ZMYND8: variants seen among roughly 807,000 people sequenced by gnomAD.
The protein encoded by ZMYND8 is MYND-type zinc finger-containing chromatin reader ZMYND8.
In ZMYND8, 37 loss-of-function variants were observed where a neutral mutation model predicts 140.8. That is an observed-to-expected ratio of 0.26 (90% confidence interval 0.20 to 0.35). The LOEUF is 0.35. ZMYND8 is among the 10% of genes least tolerant of loss of function. The probability of loss-of-function intolerance (pLI) is 1.00; values close to 1 mark genes in which losing one functional copy is unlikely to be tolerated. For missense variants in ZMYND8, 1,068 were observed against 1,570.0 expected, an observed-to-expected ratio of 0.68 and a Z score of 5.40; for synonymous variants, 592 against 597.1, an observed-to-expected ratio of 0.99 and a Z score of 0.12.
At position 47,318,956 on chromosome 20, in the gene ZMYND8, A is replaced by C. The variant is rs953050368; in HGVS notation, c.86-8752T>G. ...CGCCAAGAGGAGGCACTTACCTGCC[A>C]TTGAGAAAGTGCGGCTGCTCAGAGG... is the stretch of plus-strand genomic sequence containing the variant. On this transcript the variant is annotated intron_variant, in intron 2 of 22. Coordinates refer to ENST00000471951, the MANE Select transcript of ZMYND8 (RefSeq NM_001281775.3). 3 of 1,351,292 alleles carry C rather than the reference A, an allele frequency of 2.2e-6. No homozygotes were observed. The African/African-American group carries it at 4.4e-5, about 20-fold the overall frequency. 83.7% of individuals were successfully genotyped at this position (1,351,292 alleles called of 1,614,324 possible). A position where few individuals can be genotyped will look rare whatever the true frequency, so the allele number is the denominator to read the frequency against.
intron 2 of ZMYND8, among the ~76,000 whole-genome samples, chr20:47,324,187 G>A (rs1476012474): frequency 2.4e-5 from 3 of 127,480 alleles, no homozygotes; most frequent in African/African-American, 3.2e-5. Context: ...GGGCGCCAGA[G>A]CGAGACTCTG....
At chr20:47,344,320 TATG>T (rs2082164840) in intron 2 of ZMYND8, among the ~76,000 whole-genome samples, 1 of 152,164 alleles carries the variant, frequency 6.6e-6, no homozygotes, top group Non-Finnish European at 1.5e-5. Flanking sequence ...CTTGATGTGA[TATG>T]ATGAAAATGG....
At chr20:47,301,966 T>C (rs11906900) in intron 3 of ZMYND8, among the ~76,000 whole-genome samples, 53,804 of 151,114 alleles carry the variant, frequency 0.36, 10,608 homozygotes, top group African/African-American at 0.53. Flanking sequence ...GAGCTTTTCC[T>C]CCTCTTTGCT....
intron 11 of ZMYND8, among the ~76,000 whole-genome samples, chr20:47,274,115 T>C (rs970536353): frequency 1.3e-5 from 2 of 152,254 alleles, no homozygotes; most frequent in African/African-American, 2.4e-5. Context: ...TCTTTCTCCT[T>C]TTGTACCTCC....
intron 4 of ZMYND8, among the ~76,000 whole-genome samples, chr20:47,297,673 C>T (rs1020429859): frequency 6.6e-6 from 1 of 152,184 alleles, no homozygotes; most frequent in African/African-American, 2.4e-5. Flanking sequence ...AATTCTCCTG[C>T]CTCGGCCTCC....
chr20:47,224,367 G>C lies in ZMYND8; in HGVS notation c.3206C>G (p.Pro1069Arg). 1 of 1,614,248 alleles carries C rather than the reference G, an allele frequency of 6.2e-7. No homozygotes were observed. The highest frequency in any genetic ancestry group is 8.5e-7 in the Non-Finnish European group (1 of 1,180,042). The change falls in exon 19 of 23, where the codon CCC (proline) becomes CGC (arginine). Residue 1069 changes from proline (P) to arginine (R), a missense_variant. Pro to Arg is a moderately radical substitution (Grantham distance 103). This residue lies in a region of ZMYND8 where 5 missense variants were observed against 39.6 expected (regional missense o/e 0.13). Coordinates refer to ENST00000471951, the MANE Select transcript of ZMYND8 (RefSeq NM_001281775.3). Reference protein sequence around the residue: ...CCWNTSYCDYPCQQAHWPEHM... With the variant: ...CCWNTSYCDYRCQQAHWPEHM... Reference sequence around the variant, plus strand: ...CTCAGGCCAGTGGGCTTGCTGGCAGGGGTAGTCACAGTAGCTGGTGTTCCA... The same window carrying C: ...CTCAGGCCAGTGGGCTTGCTGGCAGCGGTAGTCACAGTAGCTGGTGTTCCA...
intron 2 of ZMYND8, among the ~76,000 whole-genome samples, chr20:47,329,173 C>A (rs761777366): frequency 5.9e-5 from 9 of 152,182 alleles, no homozygotes; most frequent in Non-Finnish European, 1.2e-4. Flanking sequence ...AGTGCTGTGT[C>A]CCCTGGCGAC....
intron 8 of ZMYND8, among the ~76,000 whole-genome samples, chr20:47,286,368 G>A (rs556046006): frequency 5.9e-5 from 9 of 151,944 alleles, no homozygotes; most frequent in Non-Finnish European, 1.0e-4. Context: ...TAGTGGAGAC[G>A]GGGTTTTGCC....
rs1487749596 is a variant in ZMYND8, at chr20:47,246,078, T to C, written c.2214A>G (p.Gly738=). The C allele has an allele frequency of 1.2e-6, 2 of 1,614,006 alleles. No individual in the cohort carries two copies. Among genetic ancestry groups the C allele is most frequent in the East Asian group, 2.2e-5 (1 of 44,904 alleles). The change falls in exon 14 of 23, where the codon GGA becomes GGG. Residue 738 remains glycine, a synonymous_variant. Coordinates refer to ENST00000471951, the MANE Select transcript of ZMYND8 (RefSeq NM_001281775.3). ...GACCCTCCCGCCCAGAATGGTCTTCTCCTAAATCTATGACAAGTTCGCTCT... is the reference window on the plus strand; with the variant it reads ...GACCCTCCCGCCCAGAATGGTCTTCCCCTAAATCTATGACAAGTTCGCTCT... ...DSESELVIDL[G]EDHSGREGRK...
intron 18 of ZMYND8, among the ~76,000 whole-genome samples, chr20:47,226,827 T>TG (rs1280437574): frequency 1.3e-5 from 2 of 152,026 alleles, no homozygotes; most frequent in East Asian, 3.9e-4. Flanking sequence ...GCCCAGGTAA[T>TG]GGTTTAAAAT....
At chr20:47,356,512 A>C in intron 1 of ZMYND8, 145 bp downstream of exon 1, 2 of 1,605,974 alleles carry the variant, frequency 1.2e-6, no homozygotes, top group Admixed American at 1.7e-5. Context: ...AAAGCAAAAA[A>C]ATTCTCTCTA....
In ZMYND8 at chr20:47,220,315, G is replaced by C. The variant is rs764539183; in HGVS notation, c.3427C>G (p.Leu1143Val). Reference sequence around the variant, plus strand: ...GAGGGCGTCTCTCTGGAGCCAGAAAGGTCAAGGGTCTAGAAATACAAAAAG... The same window carrying C: ...GAGGGCGTCTCTCTGGAGCCAGAAACGTCAAGGGTCTAGAAATACAAAAAG... ...KSKESGSTLD[L>V]SGSRETPSSI... The change falls in exon 21 of 23, where the codon CTT becomes GTT. Residue 1143 changes from leucine to valine, a missense_variant. This residue lies in a region of ZMYND8 where 180 missense variants were observed against 187.8 expected (regional missense o/e 0.96). Coordinates refer to ENST00000471951, the MANE Select transcript of ZMYND8 (RefSeq NM_001281775.3). 2 of 1,559,484 alleles carry C rather than the reference G, an allele frequency of 1.3e-6. No homozygotes were observed. The highest frequency in any genetic ancestry group is 1.4e-5 in the African/African-American group (1 of 73,392).
chr20:47,251,445 G>A (rs2074162989), intron 12 of ZMYND8, among the ~76,000 whole-genome samples: 1 of 151,950 alleles, frequency 6.6e-6, no homozygotes, highest in East Asian at 1.9e-4. Context: ...AAAGTAGCTG[G>A]GCTTGGTGGT....
chr20:47,300,753 C>T (rs1351955788), intron 3 of ZMYND8, among the ~76,000 whole-genome samples: 3 of 152,110 alleles, frequency 2.0e-5, no homozygotes, highest in South Asian at 2.1e-4. Context: ...CTTGCTCTGT[C>T]GCCCAGGCTG....
intron 2 of ZMYND8, among the ~76,000 whole-genome samples, chr20:47,342,470 C>G (rs2081975893): frequency 6.7e-6 from 1 of 149,642 alleles, no homozygotes; most frequent in South Asian, 2.1e-4. Context: ...TTGCTTGAAC[C>G]AGGGAAGTGG....
chr20:47,291,512 C>T (rs1350557295), intron 6 of ZMYND8, among the ~76,000 whole-genome samples: 1 of 152,222 alleles, frequency 6.6e-6, no homozygotes, highest in Admixed American at 6.5e-5. Flanking sequence ...TCAATCAAAT[C>T]ACTAACTCTT....
chr20:47,226,151 T>TTA (rs1268729913), intron 18 of ZMYND8, among the ~76,000 whole-genome samples: 1 of 132,218 alleles, frequency 7.6e-6, no homozygotes, highest in Non-Finnish European at 1.6e-5. Context: ...GACTCTGTCT[T>TTA]AAAAAAAAAA....
intron 2 of ZMYND8, among the ~76,000 whole-genome samples, chr20:47,342,846 CAAA>C (rs1041501318): frequency 4.0e-5 from 3 of 74,998 alleles, no homozygotes; most frequent in Non-Finnish European, 2.8e-5. Flanking sequence ...GACTACATCT[CAAA>C]AAAAAAAAAA....
chr20:47,239,292 A>G (rs1260172970), intron 14 of ZMYND8, among the ~76,000 whole-genome samples, 154 bp from the exon 15 acceptor site: 3 of 152,240 alleles, frequency 2.0e-5, no homozygotes, highest in Non-Finnish European at 4.4e-5. Context: ...GGAGGAGTAC[A>G]TTCTCACCTA....
Sources: allele counts gnomAD v4.1 joint callset (sites outside exome capture counted in the v4.1 genomes callset), GRCh38; gene constraint gnomAD v4.1.1; regional missense constraint gnomAD v4.1.1; transcripts MANE v1.5; gene names NCBI Gene and HGNC (gene_info 2026-07-23, HGNC 2026-07-21).